Variants in KCNAB3 observed in about 807,000 individuals in gnomAD.
KCNAB3 encodes the protein potassium voltage-gated channel subfamily A regulatory beta subunit 3.
In KCNAB3, 62 loss-of-function variants were observed where a neutral mutation model predicts 67.7. The observed-to-expected ratio is 0.92, with a 90% CI of 0.75 to 1.13. The LOEUF is 1.13. KCNAB3 is among the 50% of genes most tolerant of loss of function. The pLI, the probability that KCNAB3 is intolerant of heterozygous loss-of-function variation, is 0.00. For missense variants in KCNAB3, 514 were observed against 522.9 expected (o/e 0.98, Z 0.17); for synonymous variants, 212 against 205.4 (o/e 1.03, Z -0.27).
intron 4 of KCNAB3, 63 bp from the exon 5 acceptor site, chr17:7,926,166 C>A: frequency 6.3e-7 from 1 of 1,584,036 alleles, no homozygotes; most frequent in South Asian, 1.1e-5. Flanking sequence ...TTCCTCTCCT[C>A]CCCACCTTTT....
intron 4 of KCNAB3, 78 bp from the exon 5 acceptor site, chr17:7,926,181 T>C: frequency 2.6e-6 from 4 of 1,529,986 alleles, no homozygotes; most frequent in Non-Finnish European, 3.6e-6. Flanking sequence ...CCTTTTCCTC[T>C]CTTGCAAAGT....
Position 7,929,281 on chromosome 17 carries a change from T to C in KCNAB3, c.155A>G (p.Lys52Arg), listed in dbSNP as rs200100920. 3,343 of 1,594,370 alleles carry C rather than the reference T, an allele frequency of 2.1e-3. 11 individuals are homozygous for C. Among genetic ancestry groups the C allele is most frequent in the Middle Eastern group, 0.011 (66 of 5,994 alleles). The change falls in exon 1 of 14, where the codon AAG (lysine) becomes AGG (arginine). Residue 52 changes from lysine (K) to arginine (R), a missense_variant. Physicochemically the swap from Lys to Arg is conservative, Grantham distance 26. Transcript: ENST00000303790. The surrounding 1 kb of genome is among the most constrained non-coding windows in gnomAD (Gnocchi z 5.7). The stretch of plus-strand genomic sequence containing the variant: ...TCGGGGAACCAGTGCAGCTCGGGCC[T>C]TGGGGCCAGACCCTCCACCCCCCGG... Reference protein sequence around the residue: ...NPPGGGGSGPKARAALVPRPP... With the variant: ...NPPGGGGSGPRARAALVPRPP...
rs1301001624 is a variant in KCNAB3 at position 7,927,378 on chromosome 17, G to A, written c.370C>T (p.Leu124=). 9 of 1,613,822 alleles carry A rather than the reference G, an allele frequency of 5.6e-6. No individual in the cohort carries two copies. The African/African-American group carries it at 9.3e-5, about 17-fold the overall frequency. The part of the protein sequence containing the change: ...LTVAYEHGVN[L]FDTAEVYAAG... ...GCGTACACTTCGGCGGTGTCAAACA[G>A]GTTTACACCATGCTCATAGGCTACA... is the stretch of plus-strand genomic sequence containing the variant. Residue 124 remains leucine, a synonymous_variant, in exon 4 of 14, where the codon CTG becomes TTG. Transcript: ENST00000303790.
At chr17:7,924,960 G>A in intron 8 of KCNAB3, 137 bp downstream of exon 8, 1 of 746,352 alleles carries the variant, frequency 1.3e-6, no homozygotes, top group Non-Finnish European at 2.3e-6. Flanking sequence ...TGCCCAGACT[G>A]TTCTCGAACT....
At chr17:7,923,670 G>T (rs1214119764) in intron 12 of KCNAB3, 41 bp downstream of exon 12, 5 of 1,552,646 alleles carry the variant, frequency 3.2e-6, no homozygotes, top group Non-Finnish European at 4.4e-6. Flanking sequence ...TTGGGAGCAT[G>T]TCAGGAGGAG....
chr17:7,922,891 G>T lies in KCNAB3; in HGVS notation c.*211C>A, dbSNP rs966593869. 1 of 588,926 alleles carries T rather than the reference G, an allele frequency of 1.7e-6. No homozygotes were observed. The highest frequency in any genetic ancestry group is 2.8e-5 in the East Asian group (1 of 35,510). 36.5% of individuals were successfully genotyped at this position (588,926 alleles called of 1,614,324 possible). A position where few individuals can be genotyped will look rare whatever the true frequency, so the allele number is the denominator to read the frequency against. ...AGGGCCTAGAAAGACGCAGCAGGGG[G>T]CGGGCGTGCTACTTTCTCTCTCGAC... On this transcript the variant is annotated 3_prime_UTR_variant, in exon 14 of 14. Coordinates refer to ENST00000303790, the MANE Select transcript of KCNAB3 (RefSeq NM_004732.4).
Position 7,922,811 on chromosome 17 carries a change from G to T in KCNAB3, c.*291C>A. 1 of 506,546 alleles carries T rather than the reference G, an allele frequency of 2.0e-6. No individual in the cohort carries two copies. Among genetic ancestry groups the T allele is most frequent in the Non-Finnish European group, 3.6e-6 (1 of 277,816 alleles). 31.4% of individuals were successfully genotyped at this position (506,546 alleles called of 1,614,324 possible). On this transcript the variant is annotated 3_prime_UTR_variant, in exon 14 of 14. Coordinates refer to ENST00000303790, the MANE Select transcript of KCNAB3 (RefSeq NM_004732.4). ...GAATAAGGGGAGGAGAGTAGGGAGC[G>T]AGACGAAGTGGCAGAGAGCCGACGG... is the stretch of plus-strand genomic sequence containing the variant.
At chr17:7,927,265 A>G (rs1972263161) in intron 4 of KCNAB3, 79 bp downstream of exon 4, 1 of 1,343,748 alleles carries the variant, frequency 7.4e-7, no homozygotes, top group Non-Finnish European at 1.1e-6. Context: ...AGGGTTCTTT[A>G]GAGGGAAAAC....
chr17:7,929,599 C>A lies in KCNAB3; in HGVS notation c.-164G>T. On this transcript the variant is annotated 5_prime_UTR_variant, in exon 1 of 14. Transcript: ENST00000303790. This position sits in a 1 kb window ranked among gnomAD's most constrained non-coding sequence, Gnocchi z 5.7. Reference sequence around the variant, plus strand: ...CCAGGCAGGATCGGGCCCGCGGGGGCGGGCTGCTGGAGGTCGCGAGGTTTG... The same window carrying A: ...CCAGGCAGGATCGGGCCCGCGGGGGAGGGCTGCTGGAGGTCGCGAGGTTTG... 1.4e-6 allele frequency: 2 copies of A among 1,408,414 alleles called. No individual in the cohort carries two copies. Among genetic ancestry groups the A allele is most frequent in the African/African-American group, 1.5e-5 (1 of 66,228 alleles). The allele number at this position is 1,408,414 out of a possible 1,614,324, so 87.2% of individuals were successfully genotyped here. A position where few individuals can be genotyped will look rare whatever the true frequency, so the allele number is the denominator to read the frequency against.
Position 7,929,831 on chromosome 17 carries a change from AG to A in KCNAB3, c.-397del. 3.1e-5 allele frequency: 32 copies of A among 1,029,188 alleles called. No individual in the cohort carries two copies. The Admixed American group carries it at 3.3e-4, about 11-fold the overall frequency. The allele number at this position is 1,029,188 out of a possible 1,614,324, so 63.8% of individuals were successfully genotyped here. On this transcript the variant is annotated 5_prime_UTR_variant, in exon 1 of 14. Transcript: ENST00000303790. The surrounding 1 kb of genome is among the most constrained non-coding windows in gnomAD (Gnocchi z 5.7). ...CCGCTGCGGGACCCGCTGGGCTCCC[AG>A]CCGCGTCGGCAGCGGGCCCAGCTCA...
In KCNAB3 at chr17:7,929,823, GGGCTCCCAGCC is replaced by G; in HGVS notation, c.-399_-389del. The G allele has an allele frequency of 6.9e-6, 7 of 1,012,426 alleles. No individual in the cohort carries two copies. Among genetic ancestry groups the G allele is most frequent in the Admixed American group, 1.2e-4 (2 of 16,478 alleles). 62.7% of individuals were successfully genotyped at this position (1,012,426 alleles called of 1,614,324 possible). On this transcript the variant is annotated 5_prime_UTR_variant, in exon 1 of 14. Transcript: ENST00000303790. The surrounding 1 kb of genome is among the most constrained non-coding windows in gnomAD (Gnocchi z 5.7). ...AGCGCGAACCGCTGCGGGACCCGCT[GGGCTCCCAGCC>G]GCGTCGGCAGCGGGCCCAGCTCATC...
At position 7,927,338 on chromosome 17, in the gene KCNAB3, C is replaced by T; in HGVS notation, c.404+6G>A. On this transcript the variant is annotated splice_donor_region_variant and intron_variant, in intron 4 of 13. Coordinates refer to ENST00000303790, the MANE Select transcript of KCNAB3 (RefSeq NM_004732.4). ...TGGAGCTTAGCTCTTTCACCCCAGT[C>T]CTTACTTTCCTGCTGCGTACACTTC... 6.2e-7 allele frequency: 1 copy of T among 1,613,296 alleles called. No homozygotes were observed. Among genetic ancestry groups the T allele is most frequent in the Non-Finnish European group, 8.5e-7 (1 of 1,179,664 alleles).
At chr17:7,924,770 T>G in intron 8 of KCNAB3, 1 of 1,050,800 alleles carries the variant, frequency 9.5e-7, no homozygotes, top group Non-Finnish European at 1.3e-6. Flanking sequence ...TGAGACAGGG[T>G]CTCACTCTGT....
At chr17:7,924,697 A>C in intron 8 of KCNAB3, 197 bp from the exon 9 acceptor site, 1 of 1,360,180 alleles carries the variant, frequency 7.4e-7, no homozygotes, top group Non-Finnish European at 9.4e-7. Context: ...AGGCCTTCTG[A>C]GCAGGGGCTG....
Position 7,923,161 on chromosome 17 carries a change from G to A in KCNAB3, c.1156C>T (p.Pro386Ser), listed in dbSNP as rs1353721048. The change falls in exon 14 of 14, where the codon CCG becomes TCG. Residue 386 changes from proline (P) to serine (S), a missense_variant. Physicochemically the swap from Pro to Ser is moderately conservative, Grantham distance 74. Coordinates refer to ENST00000303790, the MANE Select transcript of KCNAB3 (RefSeq NM_004732.4). The stretch of plus-strand genomic sequence containing the variant: ...CCGTCTATTTCCATCACTGTCTGCG[G>A]GGTCAGCTGGCTCAGCACCTGGAGG... The part of the protein sequence containing the change: ...GALQVLSQLT[P>S]QTVMEIDGLL... The A allele has an allele frequency of 2.5e-6, 4 of 1,614,202 alleles. No individual in the cohort carries two copies. Among genetic ancestry groups the A allele is most frequent in the South Asian group, 1.1e-5 (1 of 91,088 alleles).
At chr17:7,927,884 C>T in intron 1 of KCNAB3, 58 bp from the exon 2 acceptor site, 1 of 1,600,372 alleles carries the variant, frequency 6.2e-7, no homozygotes, top group Non-Finnish European at 8.6e-7. Context: ...CTTAGATTAT[C>T]AGCCCCCAGC....
At position 7,924,205 on chromosome 17, in the gene KCNAB3, G is replaced by A. The variant is rs769978059; in HGVS notation, c.772C>T (p.His258Tyr). ...ACCTTCTCCCTCTGAAACAGATGGT[G>A]CTCCGCTTGTTCACACACTGGAGGA... ...LIPPVCEQAE[H>Y]HLFQREKVEM... The change falls in exon 10 of 14, where the codon CAC becomes TAC. Residue 258 changes from histidine (H) to tyrosine (Y), a missense_variant. By Grantham distance (83) the His-to-Tyr change is moderately conservative (BLOSUM62 2). Transcript: ENST00000303790. The A allele has an allele frequency of 6.2e-7, 1 of 1,614,218 alleles. No individual in the cohort carries two copies. Among genetic ancestry groups the A allele is most frequent in the South Asian group, 1.1e-5 (1 of 91,084 alleles).
intron 4 of KCNAB3, 122 bp from the exon 5 acceptor site, chr17:7,926,225 G>T: frequency 2.8e-6 from 3 of 1,075,458 alleles, no homozygotes; most frequent in Admixed American, 2.1e-5. Context: ...TCAGCTCACA[G>T]CCCCATCCTG....
chr17:7,923,900 C>G, intron 11 of KCNAB3, 68 bp downstream of exon 11: 2 of 1,559,090 alleles, frequency 1.3e-6, no homozygotes, highest in Admixed American at 1.9e-5. Flanking sequence ...CACAAAGCAG[C>G]CCCCCGTAAC....
Sources: gnomAD v4.1 joint callset for allele counts on GRCh38, gnomAD v4.1.1 for gene constraint, Gnocchi (gnomAD v3.1) non-coding constraint, MANE v1.5 for transcripts, NCBI Gene and HGNC (gene_info 2026-07-23, HGNC 2026-07-21) for gene names.